ARHGAP25: variants seen among roughly 807,000 people sequenced by gnomAD.
ARHGAP25 encodes the protein Rho GTPase activating protein 25, also known as rho GTPase-activating protein 25.
A neutral mutation model predicts 71.0 loss-of-function variants in ARHGAP25; 34 were observed. The ratio of observed to expected loss-of-function variants is 0.48; its 90% CI spans 0.36 to 0.64. The LOEUF is 0.64. ARHGAP25 is among the 30% of genes least tolerant of loss of function. ARHGAP25 has a pLI of 0.00. For missense variants in ARHGAP25, 706 were observed against 805.1 expected (o/e 0.88, Z 1.49); for synonymous variants, 282 against 296.5 (o/e 0.95, Z 0.50).
Position 68,821,058 on chromosome 2 carries a change from GAAC to G in ARHGAP25, c.1201-1280_1201-1278del, listed in dbSNP as rs1350060513. Among the ~76,000 whole-genome samples the G allele has an allele frequency of 3.4e-5, 5 of 148,708 alleles. 1 individual carries two copies. Among genetic ancestry groups the G allele is most frequent in the African/African-American group, 1.2e-4 (5 of 40,478 alleles). ...TGTAGATGTACCAGTCCCTATAGAT[GAAC>G]ACACTGCCTTCAGTTCTTTTCTTTT... On this transcript the variant is annotated intron_variant, in intron 9 of 10. Transcript: ENST00000409202.
In ARHGAP25 at chr2:68,826,310, G is replaced by T; in HGVS notation, c.*116G>T. On this transcript the variant is annotated 3_prime_UTR_variant, in exon 11 of 11. Transcript: ENST00000409202. ...TCTCTGAGAGGGAAAGGACATTTGA[G>T]GGAAACATCAAATTTCCCCATAAAT... The T allele has an allele frequency of 5.1e-6, 5 of 976,892 alleles. No individual in the cohort carries two copies. Among genetic ancestry groups the T allele is most frequent in the Non-Finnish European group, 8.0e-6 (5 of 622,926 alleles). 60.5% of individuals were successfully genotyped at this position (976,892 alleles called of 1,614,324 possible).
chr2:68,822,918 T>C lies in ARHGAP25; in HGVS notation c.1733+46T>C, dbSNP rs756027207. On this transcript the variant is annotated intron_variant, in intron 10 of 10. Transcript: ENST00000409202. The stretch of plus-strand genomic sequence containing the variant: ...CTGAGAGGCACTTGGCTTCCATCTT[T>C]AGAGACAAGAGGGATTGTTCCCATC... 3.9e-6 allele frequency: 6 copies of C among 1,532,366 alleles called. No homozygotes were observed. In the East Asian group the frequency reaches 1.3e-4, roughly 34 times the overall value. 94.9% of individuals were successfully genotyped at this position (1,532,366 alleles called of 1,614,324 possible).
At chr2:68,762,685 A>G (rs1335068701) in intron 1 of ARHGAP25, among the ~76,000 whole-genome samples, 1 of 152,156 alleles carries the variant, frequency 6.6e-6, no homozygotes, top group Admixed American at 6.5e-5. Context: ...ACTACTGGCT[A>G]AAAACAAACA....
chr2:68,807,262 T>C lies in ARHGAP25; in HGVS notation c.467-11T>C. ...AGAATGACGGGCAGGTTCTGTTTGC[T>C]CTCTCCTCAGCAGTGTTTGGCCAGC... On this transcript the variant is annotated splice_polypyrimidine_tract_variant and intron_variant, in intron 4 of 10. Transcript: ENST00000409202. The C allele has an allele frequency of 6.2e-7, 1 of 1,614,142 alleles. No homozygotes were observed. Among genetic ancestry groups the C allele is most frequent in the Non-Finnish European group, 8.5e-7 (1 of 1,179,994 alleles).
chr2:68,721,898 C>T (rs147121171), intron 2 of ARHGAP25, among the ~76,000 whole-genome samples: 8 of 152,334 alleles, frequency 5.3e-5, no homozygotes, highest in East Asian at 1.9e-4. Context: ...CTCCTTCCCA[C>T]GACACCACTT....
intron 1 of ARHGAP25, among the ~76,000 whole-genome samples, chr2:68,759,230 A>G (rs907922114): frequency 6.6e-6 from 1 of 151,782 alleles, no homozygotes; most frequent in African/African-American, 2.4e-5. Context: ...AATAATAAAG[A>G]TCAGAACAGA....
chr2:68,821,211 C>T (rs964527323), intron 9 of ARHGAP25, among the ~76,000 whole-genome samples: 1 of 150,928 alleles, frequency 6.6e-6, no homozygotes, highest in East Asian at 2.0e-4. Context: ...CCTTCGGCCT[C>T]GGCCTCCCAA....
At chr2:68,738,050 G>A (rs1675309931) in intron 1 of ARHGAP25, among the ~76,000 whole-genome samples, 1 of 152,188 alleles carries the variant, frequency 6.6e-6, no homozygotes, top group African/African-American at 2.4e-5. Context: ...CTGACCTATT[G>A]ATCCTGGCAG....
At chr2:68,723,896 G>A (rs964329916) in intron 2 of ARHGAP25, among the ~76,000 whole-genome samples, 5 of 142,612 alleles carry the variant, frequency 3.5e-5, no homozygotes, top group Non-Finnish European at 6.2e-5. Flanking sequence ...CTCTCGGTGG[G>A]GCAGGCTCTC....
intron 5 of ARHGAP25, among the ~76,000 whole-genome samples, chr2:68,812,531 A>G (rs1001997260): frequency 4.6e-5 from 7 of 152,074 alleles, no homozygotes; most frequent in African/African-American, 1.7e-4. Flanking sequence ...CATCTGAGGT[A>G]CTCTTTCATC....
chr2:68,797,333 C>T (rs1415277013), intron 4 of ARHGAP25, among the ~76,000 whole-genome samples: 2 of 152,084 alleles, frequency 1.3e-5, no homozygotes, highest in African/African-American at 4.8e-5. Context: ...CTGCTTTGGC[C>T]CACAGGAATG....
At chr2:68,772,143 T>C (rs540622375) in intron 1 of ARHGAP25, among the ~76,000 whole-genome samples, 1 of 152,264 alleles carries the variant, frequency 6.6e-6, no homozygotes, top group African/African-American at 2.4e-5. Flanking sequence ...ATTTCTTCTA[T>C]GCTGAGTGAA....
At chr2:68,812,403 G>A (rs982606853) in intron 5 of ARHGAP25, among the ~76,000 whole-genome samples, 6 of 152,292 alleles carry the variant, frequency 3.9e-5, no homozygotes, top group African/African-American at 1.4e-4. Flanking sequence ...AAGCTGAACT[G>A]AACAGCCGTG....
intron 1 of ARHGAP25, among the ~76,000 whole-genome samples, chr2:68,748,465 A>G (rs1453545973): frequency 6.6e-6 from 1 of 152,206 alleles, no homozygotes; most frequent in Non-Finnish European, 1.5e-5. Context: ...CTAGATCATA[A>G]GCTTCTGAAG....
intron 1 of ARHGAP25, among the ~76,000 whole-genome samples, chr2:68,770,848 C>T (rs1199225986): frequency 1.3e-5 from 2 of 152,142 alleles, no homozygotes; most frequent in East Asian, 3.9e-4. Flanking sequence ...TTCTCTGGGC[C>T]CTCCAGCTTG....
At chr2:68,736,111 G>A (rs1675208395) in intron 1 of ARHGAP25, among the ~76,000 whole-genome samples, 2 of 152,190 alleles carry the variant, frequency 1.3e-5, no homozygotes, top group Non-Finnish European at 2.9e-5. Flanking sequence ...AAGTATTAAG[G>A]TGTTTCTAAC....
chr2:68,812,274 T>C (rs1212846583), intron 5 of ARHGAP25, among the ~76,000 whole-genome samples: 1 of 152,148 alleles, frequency 6.6e-6, no homozygotes, highest in African/African-American at 2.4e-5. Context: ...GTGAGTGTTT[T>C]TTCCCCCAGC....
At position 68,826,144 on chromosome 2, in the gene ARHGAP25, G is replaced by T. The variant is rs1682116116; in HGVS notation, c.1891G>T (p.Glu631Ter). Reference sequence around the variant, plus strand: ...GAAGAGGAACAAGGCCTTGGAAGAAGAAGTCAAGGAATTTGTCAAATCCAT... The same window carrying T: ...GAAGAGGAACAAGGCCTTGGAAGAATAAGTCAAGGAATTTGTCAAATCCAT... ...VEKRNKALEE[E>*]VKEFVKSMKE... Residue 631 changes from glutamate (E) to a stop codon, truncating the protein, a stop_gained, in exon 11 of 11, where the codon GAA (glutamate) becomes TAA (stop). Coordinates refer to ENST00000409202, the MANE Select transcript of ARHGAP25 (RefSeq NM_001007231.3). LOFTEE classifies it high-confidence loss of function. 1 of 1,614,150 alleles carries T rather than the reference G, an allele frequency of 6.2e-7. No individual in the cohort carries two copies.
intron 5 of ARHGAP25, among the ~76,000 whole-genome samples, chr2:68,811,331 TG>T (rs1465889411): frequency 2.6e-5 from 4 of 152,178 alleles, no homozygotes; most frequent in African/African-American, 9.7e-5. Context: ...ATGGGTGGAT[TG>T]CAGTGTAGGG....
Sources: gnomAD v4.1 joint callset for allele counts (sites outside exome capture counted in the v4.1 genomes callset) on GRCh38, gnomAD v4.1.1 for gene constraint, MANE v1.5 for transcripts, NCBI Gene and HGNC (gene_info 2026-07-23, HGNC 2026-07-21) for gene names.